The following FAR1 variants were observed in gnomAD, a reference collection of about 807,000 sequenced individuals.
The protein encoded by FAR1 is male sterility domain-containing protein 2.
Under a neutral mutation model 61.1 loss-of-function variants are expected in FAR1, and 22 were observed. That is an observed-to-expected ratio of 0.36 (90% CI 0.26 to 0.51). FAR1 has a LOEUF of 0.51. Among genes scored for constraint, FAR1 ranks in the 20% least tolerant of loss-of-function variants. FAR1 has a pLI of 0.95. For synonymous variants in FAR1, 206 were observed against 209.7 expected, an observed-to-expected ratio of 0.98 and a Z score of 0.15; for missense variants, 359 against 626.9, an observed-to-expected ratio of 0.57 and a Z score of 4.56.
At chr11:13,719,283 T>A (rs1227206944) in intron 9 of FAR1, among the ~76,000 whole-genome samples, 1 of 152,202 alleles carries the variant, frequency 6.6e-6, no homozygotes, top group East Asian at 1.9e-4. Flanking sequence ...GACAGATCCT[T>A]GACCTCCGGG....
At chr11:13,708,604 T>TA (rs1848465515) in intron 4 of FAR1, among the ~76,000 whole-genome samples, 1 of 152,084 alleles carries the variant, frequency 6.6e-6, no homozygotes, top group East Asian at 1.9e-4. Flanking sequence ...ATAATGGTAA[T>TA]ATTTGGAGGA....
intron 10 of FAR1, chr11:13,723,281 G>T: frequency 3.0e-6 from 1 of 328,468 alleles, no homozygotes; most frequent in Non-Finnish European, 5.7e-6. Flanking sequence ...GGGAGGATCA[G>T]TTGAGCCCGG....
intron 5 of FAR1, among the ~76,000 whole-genome samples, chr11:13,711,543 G>C (rs995808489): frequency 2.6e-5 from 4 of 152,188 alleles, no homozygotes; most frequent in South Asian, 2.1e-4. Context: ...AAGAGTAGTA[G>C]GTAGCCCTTT....
chr11:13,679,129 T>A (rs963129924), intron 1 of FAR1, among the ~76,000 whole-genome samples: 1 of 152,154 alleles, frequency 6.6e-6, no homozygotes, highest in Non-Finnish European at 1.5e-5. Context: ...GCAAAAAAGA[T>A]ATTGCAATTC....
At chr11:13,692,352 G>C (rs1425490936) in intron 1 of FAR1, among the ~76,000 whole-genome samples, 1 of 152,170 alleles carries the variant, frequency 6.6e-6, no homozygotes, top group East Asian at 1.9e-4. Flanking sequence ...TTACAAACCT[G>C]TGTCAACTTG....
At chr11:13,704,580 G>A (rs1848413351) in intron 3 of FAR1, among the ~76,000 whole-genome samples, 2 of 152,126 alleles carry the variant, frequency 1.3e-5, no homozygotes, top group South Asian at 4.1e-4. Context: ...AGAGCCTTAG[G>A]TGTTAGTCAC....
In FAR1 at chr11:13,721,535, T is replaced by C; in HGVS notation, c.1128-195T>C. 1 of 480,462 alleles carries C rather than the reference T, an allele frequency of 2.1e-6. No homozygotes were observed. Among genetic ancestry groups the C allele is most frequent in the South Asian group, 3.2e-5 (1 of 31,148 alleles). 29.8% of individuals were successfully genotyped at this position (480,462 alleles called of 1,614,324 possible). On this transcript the variant is annotated intron_variant, in intron 9 of 11. Transcript: ENST00000354817. The surrounding 1 kb of genome is among the most constrained non-coding windows in gnomAD (Gnocchi z 4.2). The stretch of plus-strand genomic sequence containing the variant: ...TGCTTTCAAAAAAAATTTGTTTTCC[T>C]TTTGGATTTATAAATTGTTCATCCA...
intron 1 of FAR1, among the ~76,000 whole-genome samples, chr11:13,686,922 A>T (rs1048578480): frequency 1.3e-5 from 2 of 152,188 alleles, no homozygotes; most frequent in South Asian, 4.1e-4. Flanking sequence ...ATTTGTGGTC[A>T]TTTCAGGCTC....
intron 10 of FAR1, among the ~76,000 whole-genome samples, chr11:13,727,064 T>C (rs963512387): frequency 6.6e-6 from 1 of 152,022 alleles, no homozygotes; most frequent in Non-Finnish European, 1.5e-5. Context: ...ATTACTGTTA[T>C]CCAAACTCCT....
chr11:13,689,862 G>C (rs943381264), intron 1 of FAR1, among the ~76,000 whole-genome samples: 1 of 146,902 alleles, frequency 6.8e-6, no homozygotes, highest in Admixed American at 6.8e-5. Context: ...TTCATGTGCT[G>C]TCATTTCGAT....
intron 3 of FAR1, among the ~76,000 whole-genome samples, chr11:13,702,491 T>C (rs1848387608): frequency 6.6e-6 from 1 of 152,188 alleles, no homozygotes; most frequent in Non-Finnish European, 1.5e-5. Flanking sequence ...TGTGTATATT[T>C]TTGTATATAG....
chr11:13,679,566 A>G (rs1848103297), intron 1 of FAR1, among the ~76,000 whole-genome samples: 1 of 152,164 alleles, frequency 6.6e-6, no homozygotes, highest in Non-Finnish European at 1.5e-5. Flanking sequence ...TGTAGGCTTT[A>G]TAGTAGAGAA....
At chr11:13,713,150 CTTAA>C in intron 8 of FAR1, 117 bp downstream of exon 8, 3 of 853,804 alleles carry the variant, frequency 3.5e-6, no homozygotes, top group Non-Finnish European at 6.0e-6. Flanking sequence ...CCAATTTGTT[CTTAA>C]TTGTCGTCTT....
At chr11:13,697,214 C>T (rs1848316788) in intron 2 of FAR1, among the ~76,000 whole-genome samples, 5 of 152,088 alleles carry the variant, frequency 3.3e-5, no homozygotes, top group Admixed American at 3.3e-4. Context: ...AATCCCAGCA[C>T]TTTGGGAGGC....
intron 2 of FAR1, among the ~76,000 whole-genome samples, chr11:13,696,811 C>T (rs1179512454): frequency 6.6e-6 from 1 of 152,040 alleles, no homozygotes; most frequent in East Asian, 1.9e-4. Context: ...TGAGTGTACA[C>T]TTAAAGTTAG....
chr11:13,726,338 T>C (rs1259518074), intron 10 of FAR1, among the ~76,000 whole-genome samples: 2 of 152,264 alleles, frequency 1.3e-5, no homozygotes, highest in African/African-American at 2.4e-5. Context: ...CTAAAGAATA[T>C]CCTTAAGTTT....
At chr11:13,706,678 T>C (rs1229002021) in intron 3 of FAR1, among the ~76,000 whole-genome samples, 2 of 152,172 alleles carry the variant, frequency 1.3e-5, no homozygotes, top group Non-Finnish European at 2.9e-5. Flanking sequence ...TATATTGATA[T>C]TAACTATAGT....
At chr11:13,727,198 C>CA (rs1158391819) in intron 10 of FAR1, among the ~76,000 whole-genome samples, 1 of 151,896 alleles carries the variant, frequency 6.6e-6, no homozygotes, top group Non-Finnish European at 1.5e-5. Flanking sequence ...TGTATCAGTA[C>CA]GTGCATAAAG....
At chr11:13,704,607 G>A (rs923047295) in intron 3 of FAR1, among the ~76,000 whole-genome samples, 4 of 152,038 alleles carry the variant, frequency 2.6e-5, no homozygotes, top group African/African-American at 9.7e-5. Flanking sequence ...ACCTTGTTTT[G>A]CCCCTTTAGA....
Sources: allele counts gnomAD v4.1 joint callset (sites outside exome capture counted in the v4.1 genomes callset), GRCh38; gene constraint gnomAD v4.1.1; non-coding constraint Gnocchi (gnomAD v3.1); transcripts MANE v1.5; gene names NCBI Gene and HGNC (gene_info 2026-07-23, HGNC 2026-07-21).